SLC16A7: variants seen among roughly 807,000 people sequenced by gnomAD.
SLC16A7 encodes the protein monocarboxylate transporter 2.
Under a neutral mutation model 34.9 loss-of-function variants are expected in SLC16A7, and 33 were observed. The observed-to-expected ratio is 0.94, with a 90% confidence interval of 0.72 to 1.26. The LOEUF (loss-of-function observed/expected upper bound fraction) is 1.26. SLC16A7 is among the 50% of genes most tolerant of loss of function. The pLI, the probability that SLC16A7 is intolerant of heterozygous loss-of-function variation, is 0.00. For synonymous variants in SLC16A7, 201 were observed against 206.6 expected, an observed-to-expected ratio of 0.97 and a Z score of 0.23; for missense variants, 573 against 578.1, an observed-to-expected ratio of 0.99 and a Z score of 0.09.
At chr12:59,703,350 T>C (rs1873108649) in intron 2 of SLC16A7, among the ~76,000 whole-genome samples, 1 of 152,100 alleles carries the variant, frequency 6.6e-6, no homozygotes, top group South Asian at 2.1e-4. Flanking sequence ...TCTAATAGAA[T>C]GGTAGGTGCA....
At position 59,779,547 on chromosome 12, in the gene SLC16A7, A is replaced by G. The variant is rs1453961284; in HGVS notation, c.1305A>G (p.Glu435=). 1 of 1,613,074 alleles carries G rather than the reference A, an allele frequency of 6.2e-7. No individual in the cohort carries two copies. Among genetic ancestry groups the G allele is most frequent in the Admixed American group, 1.7e-5 (1 of 59,824 alleles). ...NAINYRLLAK[E]RKEENARQKT... is the part of the protein sequence containing the mutation. Reference sequence around the variant, plus strand: ...TCAACTATAGATTGCTTGCAAAGGAAAGGAAGGAGGAAAATGCAAGGCAGA... The same window carrying G: ...TCAACTATAGATTGCTTGCAAAGGAGAGGAAGGAGGAAAATGCAAGGCAGA... Residue 435 remains glutamate, a synonymous_variant, in exon 6 of 6, where the codon GAA becomes GAG. Coordinates refer to ENST00000547379, the MANE Select transcript of SLC16A7 (RefSeq NM_001270623.2).
intron 3 of SLC16A7, among the ~76,000 whole-genome samples, chr12:59,743,679 T>C (rs1199513032): frequency 6.6e-6 from 1 of 152,224 alleles, no homozygotes; most frequent in South Asian, 2.1e-4. Context: ...TAGAAGCTAC[T>C]ACATCCAAAT....
chr12:59,776,600 C>G (rs1243422624), intron 5 of SLC16A7, among the ~76,000 whole-genome samples: 2 of 152,122 alleles, frequency 1.3e-5, no homozygotes, highest in African/African-American at 4.8e-5. Flanking sequence ...CTGTTTTCTA[C>G]ATGACATCAA....
intron 3 of SLC16A7, among the ~76,000 whole-genome samples, chr12:59,723,612 A>G (rs1286413476): frequency 6.6e-6 from 1 of 152,038 alleles, no homozygotes; most frequent in African/African-American, 2.4e-5. Flanking sequence ...AGAAAGAAAC[A>G]GCATTTTAGT....
intron 2 of SLC16A7, among the ~76,000 whole-genome samples, chr12:59,679,009 TCCA>T (rs1364147503): frequency 1.5e-4 from 23 of 152,080 alleles, no homozygotes; most frequent in Non-Finnish European, 5.9e-5. Flanking sequence ...TCAACTTTGC[TCCA>T]AGATCAGAAC....
At chr12:59,621,616 A>C (rs926132104) in intron 1 of SLC16A7, among the ~76,000 whole-genome samples, 3 of 151,914 alleles carry the variant, frequency 2.0e-5, no homozygotes, top group Admixed American at 6.6e-5. Context: ...CAAAACACTT[A>C]GATTATGTGG....
At chr12:59,647,990 G>A (rs1236173129) in intron 1 of SLC16A7, among the ~76,000 whole-genome samples, 1 of 152,100 alleles carries the variant, frequency 6.6e-6, no homozygotes, top group South Asian at 2.1e-4. Context: ...CGAGGTAAAA[G>A]CTGCAGTGAG....
chr12:59,740,807 A>T (rs1340867885), intron 3 of SLC16A7, among the ~76,000 whole-genome samples: 2 of 152,122 alleles, frequency 1.3e-5, no homozygotes, highest in Non-Finnish European at 2.9e-5. Context: ...TATATCTAGA[A>T]AACCCCAATG....
chr12:59,714,860 CG>C (rs1431330700), intron 3 of SLC16A7, among the ~76,000 whole-genome samples: 3 of 152,234 alleles, frequency 2.0e-5, no homozygotes, highest in Admixed American at 2.0e-4. Context: ...CCAACATGCC[CG>C]GCCTCTCTCT....
rs1413950041 is a variant in SLC16A7, at chr12:59,691,043, A to G, written c.-30-13729A>G. Among the ~76,000 whole-genome samples, 14 of 152,046 alleles carry G rather than the reference A, an allele frequency of 9.2e-5. No homozygotes were observed. The East Asian group carries it at 2.3e-3, about 25-fold the overall frequency. On this transcript the variant is annotated intron_variant, in intron 2 of 5. Coordinates refer to ENST00000547379, the MANE Select transcript of SLC16A7 (RefSeq NM_001270623.2). ...TTGCATACTAAAGTTTTGTATTTCA[A>G]CATTTTTGTATTTGCAAGTTTTTAA...
At chr12:59,739,131 G>A (rs1225966165) in intron 3 of SLC16A7, among the ~76,000 whole-genome samples, 1 of 150,868 alleles carries the variant, frequency 6.6e-6, no homozygotes, top group Non-Finnish European at 1.5e-5. Context: ...CCATGCTGGT[G>A]TGCTACACCC....
At chr12:59,747,297 A>T (rs1265622455) in intron 3 of SLC16A7, among the ~76,000 whole-genome samples, 2 of 152,254 alleles carry the variant, frequency 1.3e-5, no homozygotes, top group Non-Finnish European at 2.9e-5. Context: ...TAAAGTTATT[A>T]TGTTGTACAT....
intron 5 of SLC16A7, among the ~76,000 whole-genome samples, chr12:59,777,759 C>A (rs913807199): frequency 2.7e-5 from 4 of 150,704 alleles, no homozygotes; most frequent in Non-Finnish European, 5.9e-5. Flanking sequence ...CCCATTAACT[C>A]GTCATTTAGC....
chr12:59,764,481 C>A (rs576895510), intron 3 of SLC16A7, among the ~76,000 whole-genome samples: 6 of 135,566 alleles, frequency 4.4e-5, no homozygotes, highest in African/African-American at 1.4e-4. Flanking sequence ...ATCCCTCCCC[C>A]CTCCCCCTCC....
At chr12:59,692,753 TG>T (rs1296679476) in intron 2 of SLC16A7, among the ~76,000 whole-genome samples, 1 of 152,048 alleles carries the variant, frequency 6.6e-6, no homozygotes, top group African/African-American at 2.4e-5. Context: ...ACAGGTTTTG[TG>T]TTACTGACAT....
At chr12:59,778,188 GC>G (rs1882951234) in intron 5 of SLC16A7, among the ~76,000 whole-genome samples, 1 of 151,996 alleles carries the variant, frequency 6.6e-6, no homozygotes, top group South Asian at 2.1e-4. Flanking sequence ...TGGACCTAAT[GC>G]TTTTATATTT....
intron 1 of SLC16A7, among the ~76,000 whole-genome samples, chr12:59,601,374 T>G (rs1342776204): frequency 6.6e-6 from 1 of 152,244 alleles, no homozygotes; most frequent in African/African-American, 2.4e-5. Flanking sequence ...AAGCATGCAT[T>G]TGATAAGTTT....
intron 2 of SLC16A7, among the ~76,000 whole-genome samples, chr12:59,701,911 A>G (rs1406651137): frequency 1.3e-5 from 2 of 151,846 alleles, no homozygotes; most frequent in African/African-American, 2.4e-5. Context: ...ACAATAGTTT[A>G]AACTCAAGAA....
chr12:59,762,334 G>C (rs61933838), intron 3 of SLC16A7, among the ~76,000 whole-genome samples: 11,806 of 151,954 alleles, frequency 0.078, 551 homozygotes, highest in Middle Eastern at 0.17. Context: ...CTTGAATATC[G>C]AAATGGAATG....
Sources: gnomAD v4.1 joint callset for allele counts (sites outside exome capture counted in the v4.1 genomes callset) on GRCh38, gnomAD v4.1.1 for gene constraint, MANE v1.5 for transcripts, NCBI Gene and HGNC (gene_info 2026-07-23, HGNC 2026-07-21) for gene names.